Variants in SGCD observed in about 807,000 individuals in gnomAD.
The protein encoded by SGCD is sarcoglycan delta, also known as delta-sarcoglycan.
A neutral mutation model predicts 36.6 loss-of-function variants in SGCD; 18 were observed. The observed-to-expected ratio is 0.49, with a 90% CI of 0.34 to 0.73. The LOEUF (loss-of-function observed/expected upper bound fraction) is 0.73, where lower values mean the gene tolerates loss of function less well. Ranked by LOEUF, SGCD falls within the 30% of genes least tolerant of loss-of-function variation. SGCD has a pLI of 0.01. For missense variants in SGCD, 387 were observed against 346.7 expected (o/e 1.12, Z -0.92); for synonymous variants, 133 against 130.6 (o/e 1.02, Z -0.12).
At chr5:156,080,993 A>G (rs138224841) in intron 1 of SGCD, among the ~76,000 whole-genome samples, 34 of 152,318 alleles carry the variant, frequency 2.2e-4, no homozygotes, top group African/African-American at 7.7e-4. Context: ...CATTGCTATA[A>G]ATAAATACCT....
intron 1 of SGCD, among the ~76,000 whole-genome samples, chr5:155,957,914 G>A (rs778848395): frequency 6.6e-6 from 1 of 152,098 alleles, no homozygotes; most frequent in Non-Finnish European, 1.5e-5. Context: ...AACATACAAG[G>A]CAGAGTGGGC....
Position 156,732,010 on chromosome 5 carries a change from C to G in SGCD, c.576-25571C>G, listed in dbSNP as rs188238391. Among the ~76,000 whole-genome samples, 12 of 152,192 alleles carry G rather than the reference C, an allele frequency of 7.9e-5. No individual in the cohort carries two copies. The East Asian group carries it at 2.1e-3, about 27-fold the overall frequency. On this transcript the variant is annotated intron_variant, in intron 7 of 8. Coordinates refer to ENST00000337851, the MANE Select transcript of SGCD (RefSeq NM_000337.6). ...GATTTTTGCACACTGATTTTGTATT[C>G]TGAAGTTGCTTCTCAGCTTAAGAAG...
At chr5:155,762,706 A>G in the SGCD span, among the ~76,000 whole-genome samples, 1 of 152,094 alleles carries the variant, frequency 6.6e-6, no homozygotes, top group South Asian at 2.1e-4. Context: ...TCAATCTAGA[A>G]CTCACAATAT....
At chr5:155,950,202 G>A (rs964457050) in intron 1 of SGCD, among the ~76,000 whole-genome samples, 4 of 152,220 alleles carry the variant, frequency 2.6e-5, no homozygotes, top group African/African-American at 4.8e-5. Context: ...TCTCTACTCC[G>A]TTCTTTGAAT....
chr5:155,850,015 A>G, the SGCD span, among the ~76,000 whole-genome samples: 38 of 152,338 alleles, frequency 2.5e-4, no homozygotes, highest in Admixed American at 5.9e-4. Context: ...AATATCAGGA[A>G]TAGAAAGCTT....
intron 3 of SGCD, among the ~76,000 whole-genome samples, chr5:156,354,208 T>C (rs1248805751): frequency 6.6e-6 from 1 of 152,156 alleles, no homozygotes; most frequent in Non-Finnish European, 1.5e-5. Flanking sequence ...TAGAGGGCAC[T>C]GGAAGGCTTC....
At chr5:155,905,517 C>A (rs573856456) in intron 1 of SGCD, among the ~76,000 whole-genome samples, 2 of 152,230 alleles carry the variant, frequency 1.3e-5, no homozygotes, top group African/African-American at 4.8e-5. Context: ...GTGAAGCATG[C>A]AGCTAAGTTC....
intron 3 of SGCD, among the ~76,000 whole-genome samples, chr5:156,296,135 C>T (rs1244831757): frequency 2.0e-5 from 3 of 152,112 alleles, no homozygotes; most frequent in Non-Finnish European, 4.4e-5. Context: ...TCTGTGGAGT[C>T]CCACTGTGAC....
At chr5:156,239,277 G>A (rs1006373268) in intron 3 of SGCD, among the ~76,000 whole-genome samples, 1 of 151,762 alleles carries the variant, frequency 6.6e-6, no homozygotes, top group Non-Finnish European at 1.5e-5. Flanking sequence ...GCAGGTGCCT[G>A]TAATCCCAGC....
intron 3 of SGCD, among the ~76,000 whole-genome samples, chr5:156,386,165 G>T (rs1026617873): frequency 2.0e-5 from 3 of 152,200 alleles, no homozygotes; most frequent in African/African-American, 7.2e-5. Context: ...AAGCACTGAA[G>T]TCCCTGTGCT....
intron 3 of SGCD, among the ~76,000 whole-genome samples, chr5:156,167,651 C>T (rs1763245454): frequency 1.3e-5 from 2 of 152,150 alleles, no homozygotes; most frequent in South Asian, 4.1e-4. Context: ...TTCTGTCTCT[C>T]TGTTGCTCCC....
chr5:156,460,061 T>C (rs1754418846), intron 3 of SGCD, among the ~76,000 whole-genome samples: 1 of 152,172 alleles, frequency 6.6e-6, no homozygotes, highest in African/African-American at 2.4e-5. Context: ...AGGTCTTTCC[T>C]TTCAAACCTG....
At chr5:155,989,529 T>G (rs571042500) in intron 1 of SGCD, among the ~76,000 whole-genome samples, 49 of 152,242 alleles carry the variant, frequency 3.2e-4, no homozygotes, top group Non-Finnish European at 6.3e-4. Context: ...TTATTCGCTC[T>G]CTCACCTCTC....
chr5:155,880,991 G>T (rs1274657469), intron 1 of SGCD, among the ~76,000 whole-genome samples: 1 of 151,936 alleles, frequency 6.6e-6, no homozygotes, highest in East Asian at 1.9e-4. Flanking sequence ...AGTTCATATT[G>T]TGAGATTTAA....
At chr5:156,151,656 C>T (rs1762838599) in intron 3 of SGCD, among the ~76,000 whole-genome samples, 1 of 151,454 alleles carries the variant, frequency 6.6e-6, no homozygotes, top group African/African-American at 2.4e-5. Flanking sequence ...GGTTCCCTTC[C>T]AGGATATTGA....
At chr5:156,313,323 A>G (rs1363421005) in intron 3 of SGCD, among the ~76,000 whole-genome samples, 1 of 152,156 alleles carries the variant, frequency 6.6e-6, no homozygotes, top group Non-Finnish European at 1.5e-5. Flanking sequence ...TTAAAGTTGT[A>G]CATAATTTGT....
At chr5:156,254,791 G>C (rs1056207784) in intron 3 of SGCD, among the ~76,000 whole-genome samples, 2 of 152,294 alleles carry the variant, frequency 1.3e-5, no homozygotes, top group African/African-American at 4.8e-5. Flanking sequence ...AGGTTGTGGT[G>C]AGCTATGATT....
intron 1 of SGCD, among the ~76,000 whole-genome samples, chr5:155,875,559 A>G (rs1300374290): frequency 6.6e-6 from 1 of 152,078 alleles, no homozygotes; most frequent in Non-Finnish European, 1.5e-5. Flanking sequence ...CTAGGTCTTC[A>G]TCGGCCTTGC....
intron 3 of SGCD, among the ~76,000 whole-genome samples, chr5:156,159,355 T>C (rs1390316367): frequency 6.6e-6 from 1 of 151,644 alleles, no homozygotes; most frequent in Non-Finnish European, 1.5e-5. Context: ...TTTAAAGACA[T>C]GATTATTAAT....
Sources: gnomAD v4.1 joint callset for allele counts (sites outside exome capture counted in the v4.1 genomes callset) on GRCh38, gnomAD v4.1.1 for gene constraint, MANE v1.5 for transcripts, NCBI Gene and HGNC (gene_info 2026-07-23, HGNC 2026-07-21) for gene names.